Variants in KIR2DL1 observed in about 807,000 individuals in gnomAD.
KIR2DL1 encodes killer cell immunoglobulin-like receptor 2DL1.
A neutral mutation model predicts 33.9 loss-of-function variants in KIR2DL1; 38 were observed. That is an observed-to-expected ratio of 1.12 (90% confidence interval 0.86 to 1.47). The LOEUF (loss-of-function observed/expected upper bound fraction) is 1.47. KIR2DL1 is among the 40% of genes most tolerant of loss of function. The pLI, the probability that KIR2DL1 is intolerant of heterozygous loss-of-function variation, is 0.00. For synonymous variants in KIR2DL1, 179 were observed against 165.9 expected, an observed-to-expected ratio of 1.08 and a Z score of -0.61; for missense variants, 531 against 433.9, an observed-to-expected ratio of 1.22 and a Z score of -1.99.
At chr19:54,772,498 G>A (rs2075853963) in intron 2 of KIR2DL1, among the ~76,000 whole-genome samples, 1 of 145,988 alleles carries the variant, frequency 6.8e-6, no homozygotes, top group East Asian at 2.0e-4. Context: ...TTCTACAGCA[G>A]CAACAGGAAA....
At chr19:54,772,449 G>T (rs1190094720) in intron 2 of KIR2DL1, among the ~76,000 whole-genome samples, 3 of 145,780 alleles carry the variant, frequency 2.1e-5, no homozygotes, top group Non-Finnish European at 4.6e-5. Context: ...ATTGGAAGGG[G>T]TTAGTGTGCT....
At chr19:54,777,138 T>C (rs200500755) in intron 4 of KIR2DL1, among the ~76,000 whole-genome samples, 1 of 144,032 alleles carries the variant, frequency 6.9e-6, no homozygotes, top group Non-Finnish European at 1.5e-5. Context: ...TCACCCAGGC[T>C]GGAGTGCAGT....
chr19:54,781,641 G>C (rs1253440387), intron 5 of KIR2DL1, among the ~76,000 whole-genome samples: 2 of 151,748 alleles, frequency 1.3e-5, no homozygotes, highest in Admixed American at 1.3e-4. Context: ...GATGGCCGAG[G>C]GGGTGGTCCT....
chr19:54,782,581 A>G (rs757709942), intron 5 of KIR2DL1, among the ~76,000 whole-genome samples: 6 of 151,934 alleles, frequency 3.9e-5, no homozygotes, highest in Non-Finnish European at 8.8e-5. Flanking sequence ...GAACTTGCTA[A>G]CCCCGTCTCC....
chr19:54,781,720 T>G (rs1331885132), intron 5 of KIR2DL1, among the ~76,000 whole-genome samples: 3 of 152,134 alleles, frequency 2.0e-5, no homozygotes, highest in Non-Finnish European at 4.4e-5. Flanking sequence ...GCAGCAGGTT[T>G]CACACGGGCT....
chr19:54,783,408 T>C lies in KIR2DL1; in HGVS notation c.818-78T>C. The C allele has an allele frequency of 2.6e-6, 4 of 1,523,034 alleles. No homozygotes were observed. The South Asian group carries it at 3.4e-5, about 13-fold the overall frequency. The allele number at this position is 1,523,034 out of a possible 1,614,324, so 94.3% of individuals were successfully genotyped here. A position where few individuals can be genotyped will look rare whatever the true frequency, so the allele number is the denominator to read the frequency against. On this transcript the variant is annotated intron_variant, in intron 6 of 7. Coordinates refer to ENST00000336077, the MANE Select transcript of KIR2DL1 (RefSeq NM_014218.3). ...ACCTCAGCCACCTATGGTCTCCCCC[T>C]GTATGTTGGTATCTGCTTATGAAAT...
intron 4 of KIR2DL1, among the ~76,000 whole-genome samples, chr19:54,776,667 T>C: frequency 7.4e-6 from 1 of 134,254 alleles, no homozygotes; most frequent in African/African-American, 2.7e-5. Context: ...TGAGAAAGAG[T>C]TTCCCTCCTT....
chr19:54,775,546 C>T (rs1443076774), intron 4 of KIR2DL1, 88 bp downstream of exon 4: 2 of 1,425,694 alleles, frequency 1.4e-6, no homozygotes, highest in East Asian at 2.3e-5. Context: ...GAAGCATGGA[C>T]AGATGCAGAG....
Position 54,783,478 on chromosome 19 carries a change from T to G in KIR2DL1, c.818-8T>G, listed in dbSNP as rs2077280652. 2 of 1,612,990 alleles carry G rather than the reference T, an allele frequency of 1.2e-6. No homozygotes were observed. Among genetic ancestry groups the G allele is most frequent in the African/African-American group, 1.3e-5 (1 of 74,818 alleles). ...CCGAGCTGTTTTGTTGACTTCCATC[T>G]TCTACAGATGCTGCGGTAATGGACC... On this transcript the variant is annotated splice_polypyrimidine_tract_variant and splice_region_variant and intron_variant, in intron 6 of 7. Coordinates refer to ENST00000336077, the MANE Select transcript of KIR2DL1 (RefSeq NM_014218.3).
At chr19:54,770,269 T>A (rs2075522827) in intron 1 of KIR2DL1, among the ~76,000 whole-genome samples, 1 of 133,304 alleles carries the variant, frequency 7.5e-6, no homozygotes, top group Non-Finnish European at 1.6e-5. Flanking sequence ...GACATGGGCC[T>A]GGAGTGGAGA....
At chr19:54,777,977 T>C (rs1407314636) in intron 4 of KIR2DL1, among the ~76,000 whole-genome samples, 9 of 148,594 alleles carry the variant, frequency 6.1e-5, no homozygotes. Flanking sequence ...GTCCATTGGA[T>C]GGGCTGGGCT....
intron 5 of KIR2DL1, among the ~76,000 whole-genome samples, chr19:54,781,945 T>C (rs1262694578): frequency 6.6e-6 from 1 of 152,104 alleles, no homozygotes; most frequent in East Asian, 1.9e-4. Flanking sequence ...CCTGGGCCTA[T>C]GCCAATTCCT....
Position 54,775,900 on chromosome 19 carries a change from A to T in KIR2DL1, c.664+442A>T, listed in dbSNP as rs752516950. 1.4e-5 allele frequency among the ~76,000 whole-genome samples: 2 copies of T among 144,174 alleles called. 1 individual carries two copies. Among genetic ancestry groups the T allele is most frequent in the Non-Finnish European group, 3.1e-5 (2 of 64,436 alleles). 94.6% of individuals were successfully genotyped at this position (144,174 alleles called of 152,430 possible). A position where few individuals can be genotyped will look rare whatever the true frequency, so the allele number is the denominator to read the frequency against. ...ACCTATATAGCTTACCACTTTTAAC[A>T]TTTTTTTTTGAGGTGGAGTCTAGCT... On this transcript the variant is annotated intron_variant, in intron 4 of 7. Coordinates refer to ENST00000336077, the MANE Select transcript of KIR2DL1 (RefSeq NM_014218.3).
At chr19:54,770,700 C>T in intron 1 of KIR2DL1, 149 bp from the exon 2 acceptor site, 1 of 1,181,932 alleles carries the variant, frequency 8.5e-7, no homozygotes, top group Non-Finnish European at 1.3e-6. Flanking sequence ...CAGCCGACAG[C>T]CCTGTTCTTG....
Position 54,783,735 on chromosome 19 carries a change from G to A in KIR2DL1, c.969G>A (p.Lys323=). ...RKITRPSQRP[K]TPPTDIIVYT... ...TCACTCGCCCTTCTCAGAGGCCCAA[G>A]ACACCCCCAACAGATATCATCGTGT... The change falls in exon 8 of 8, where the codon AAG becomes AAA. Residue 323 remains lysine (K), a synonymous_variant. Coordinates refer to ENST00000336077, the MANE Select transcript of KIR2DL1 (RefSeq NM_014218.3). 1 of 1,613,984 alleles carries A rather than the reference G, an allele frequency of 6.2e-7. No individual in the cohort carries two copies. Among genetic ancestry groups the A allele is most frequent in the Non-Finnish European group, 8.5e-7 (1 of 1,179,962 alleles).
chr19:54,772,141 A>C (rs1346229560), intron 2 of KIR2DL1, among the ~76,000 whole-genome samples: 5 of 148,078 alleles, frequency 3.4e-5, no homozygotes, highest in African/African-American at 1.2e-4. Flanking sequence ...GATGGAGCTC[A>C]GGTTGTTGAT....
At chr19:54,774,433 T>A (rs1465796476) in intron 3 of KIR2DL1, among the ~76,000 whole-genome samples, 1 of 147,902 alleles carries the variant, frequency 6.8e-6, no homozygotes, top group African/African-American at 2.5e-5. Context: ...CATTGAAAGA[T>A]GGAGATGTGG....
Position 54,773,627 on chromosome 19 carries a change from T to A in KIR2DL1, c.365T>A (p.Ile122Asn). The change falls in exon 3 of 8, where the codon ATC (isoleucine) becomes AAC (asparagine). Residue 122 changes from isoleucine to asparagine, a missense_variant. Coordinates refer to ENST00000336077, the MANE Select transcript of KIR2DL1 (RefSeq NM_014218.3). The stretch of plus-strand genomic sequence containing the variant: ...CCCAGTGACCCTCTGGACATCGTGA[T>A]CATAGGTGAGAGTGTCCAGACTTTC... The part of the protein sequence containing the change: ...SAPSDPLDIV[I>N]IGLYEKPSLS... 6.4e-7 allele frequency: 1 copy of A among 1,572,288 alleles called. No individual in the cohort carries two copies. The highest frequency in any genetic ancestry group is 8.7e-7 in the Non-Finnish European group (1 of 1,147,834).
In KIR2DL1 at chr19:54,783,480, C is replaced by T; in HGVS notation, c.818-6C>T. 6.2e-7 allele frequency: 1 copy of T among 1,613,270 alleles called. No individual in the cohort carries two copies. Among genetic ancestry groups the T allele is most frequent in the African/African-American group, 1.3e-5 (1 of 74,954 alleles). ...GAGCTGTTTTGTTGACTTCCATCTT[C>T]TACAGATGCTGCGGTAATGGACCAA... On this transcript the variant is annotated splice_polypyrimidine_tract_variant and splice_region_variant and intron_variant, in intron 6 of 7. Transcript: ENST00000336077.
Sources: gnomAD v4.1 joint callset for allele counts (sites outside exome capture counted in the v4.1 genomes callset) on GRCh38, gnomAD v4.1.1 for gene constraint, MANE v1.5 for transcripts, NCBI Gene and HGNC (gene_info 2026-07-23, HGNC 2026-07-21) for gene names.